Variants in PIAS2 observed in about 807,000 individuals in gnomAD.
PIAS2 encodes the protein E3 SUMO-protein ligase PIAS2.
A neutral mutation model predicts 69.7 loss-of-function variants in PIAS2; 19 were observed. The ratio of observed to expected loss-of-function variants is 0.27; its 90% CI spans 0.19 to 0.40. The LOEUF (loss-of-function observed/expected upper bound fraction) is 0.40, where lower values mean the gene tolerates loss of function less well. Ranked by LOEUF, PIAS2 falls within the 10% of genes least tolerant of loss-of-function variation. The pLI, the probability that PIAS2 is intolerant of heterozygous loss-of-function variation, is 1.00. For missense variants in PIAS2, 624 were observed against 757.0 expected (o/e 0.82, Z 2.06); for synonymous variants, 261 against 263.2 (o/e 0.99, Z 0.08).
intron 13 of PIAS2, 34 bp downstream of exon 13, chr18:46,815,278 A>G: frequency 6.3e-7 from 1 of 1,582,238 alleles, no homozygotes; most frequent in Non-Finnish European, 8.7e-7. Context: ...CAACAATCAA[A>G]TACAAATTAG....
intron 8 of PIAS2, among the ~76,000 whole-genome samples, chr18:46,842,015 G>A (rs1056154332): frequency 6.6e-6 from 1 of 151,984 alleles, no homozygotes; most frequent in East Asian, 1.9e-4. Context: ...GATCACTTGA[G>A]GTCAGAAGTT....
At chr18:46,908,240 G>C (rs2056857249) in intron 1 of PIAS2, among the ~76,000 whole-genome samples, 1 of 152,112 alleles carries the variant, frequency 6.6e-6, no homozygotes, top group Non-Finnish European at 1.5e-5. Flanking sequence ...CTCCCAAAGT[G>C]ATGGGATTAC....
chr18:46,845,098 G>A, intron 6 of PIAS2: 1 of 236,824 alleles, frequency 4.2e-6, no homozygotes, highest in East Asian at 8.2e-5. Context: ...TTAGATCAAT[G>A]GTTTCCAAAC....
rs148078925 is a variant in PIAS2 at position 46,871,956 on chromosome 18, G to A, written c.500-7708C>T. ...AATATATTCATCCTGATGTATGGGC[G>A]AGAGAAGGAAATCGAGGAAGACTTC... On this transcript the variant is annotated intron_variant, in intron 2 of 13. Coordinates refer to ENST00000585916, the MANE Select transcript of PIAS2 (RefSeq NM_004671.5). 1.1e-3 allele frequency among the ~76,000 whole-genome samples: 164 copies of A among 152,282 alleles called. 1 individual carries two copies. Among genetic ancestry groups the A allele is most frequent in the African/African-American group, 3.8e-3 (158 of 41,554 alleles).
At chr18:46,894,136 A>C (rs2054492802) in intron 1 of PIAS2, among the ~76,000 whole-genome samples, 1 of 152,092 alleles carries the variant, frequency 6.6e-6, no homozygotes, top group Admixed American at 6.6e-5. Context: ...AAAAAGCAAA[A>C]ATCAAAAATC....
chr18:46,833,205 A>G (rs2043936900), intron 9 of PIAS2, among the ~76,000 whole-genome samples: 1 of 152,218 alleles, frequency 6.6e-6, no homozygotes, highest in South Asian at 2.1e-4. Context: ...TTAGAATGCA[A>G]CTCAGCAATA....
intron 1 of PIAS2, among the ~76,000 whole-genome samples, chr18:46,897,265 T>C (rs1489197644): frequency 1.3e-5 from 2 of 152,124 alleles, no homozygotes; most frequent in Non-Finnish European, 2.9e-5. Context: ...GAACCCAGAC[T>C]CCTTGGGGAA....
At chr18:46,901,220 C>T in intron 1 of PIAS2, 1 of 377,394 alleles carries the variant, frequency 2.6e-6, no homozygotes, top group South Asian at 2.0e-5. Flanking sequence ...GAGTTCGAGG[C>T]CAGCCTGACC....
chr18:46,825,782 T>C (rs1418586385), intron 11 of PIAS2, among the ~76,000 whole-genome samples: 1 of 152,264 alleles, frequency 6.6e-6, no homozygotes, highest in Admixed American at 6.5e-5. Flanking sequence ...AAAGAGTTTC[T>C]ATCAGAAATG....
At chr18:46,848,067 T>C (rs145873064) in intron 5 of PIAS2, among the ~76,000 whole-genome samples, 195 of 152,318 alleles carry the variant, frequency 1.3e-3, no homozygotes, top group African/African-American at 4.4e-3. Context: ...TATTCCCTTT[T>C]GTACAGAAGA....
chr18:46,848,813 T>C (rs990244556), intron 5 of PIAS2, among the ~76,000 whole-genome samples: 8 of 149,120 alleles, frequency 5.4e-5, no homozygotes, highest in Non-Finnish European at 1.2e-4. Flanking sequence ...AGGAAGGTTA[T>C]GCCCATCTTA....
At chr18:46,902,633 G>A (rs1456910164) in intron 1 of PIAS2, among the ~76,000 whole-genome samples, 1 of 152,078 alleles carries the variant, frequency 6.6e-6, no homozygotes, top group Non-Finnish European at 1.5e-5. Flanking sequence ...TAGTAAAGAT[G>A]TCAACTTTCC....
chr18:46,875,547 A>G (rs1316628623), intron 2 of PIAS2, among the ~76,000 whole-genome samples: 1 of 152,194 alleles, frequency 6.6e-6, no homozygotes, highest in African/African-American at 2.4e-5. Context: ...GTTGAAAACA[A>G]TAAAGAAATC....
chr18:46,908,927 T>C (rs2056945868), intron 1 of PIAS2, among the ~76,000 whole-genome samples: 1 of 152,116 alleles, frequency 6.6e-6, no homozygotes, highest in Non-Finnish European at 1.5e-5. Context: ...GAGAATCTCT[T>C]GAACCTTGGG....
Position 46,804,083 on chromosome 18 carries a change from A to G in PIAS2, c.*8350T>C, listed in dbSNP as rs985298467. Reference sequence around the variant, plus strand: ...CAAAGGTATTGAATTTCCAGTCAGCATAAGTCAAATGCAAATGGTTATCCA... The same window carrying G: ...CAAAGGTATTGAATTTCCAGTCAGCGTAAGTCAAATGCAAATGGTTATCCA... On this transcript the variant is annotated 3_prime_UTR_variant, in exon 14 of 14. Coordinates refer to ENST00000585916, the MANE Select transcript of PIAS2 (RefSeq NM_004671.5). 2 of 152,222 alleles carry G rather than the reference A, an allele frequency of 1.3e-5. No homozygotes were observed. Among genetic ancestry groups the G allele is most frequent in the East Asian group, 3.8e-4 (2 of 5,200 alleles). 9.4% of individuals were successfully genotyped at this position (152,222 alleles called of 1,614,324 possible). A position where few individuals can be genotyped will look rare whatever the true frequency, so the allele number is the denominator to read the frequency against.
At position 46,900,962 on chromosome 18, in the gene PIAS2, G is replaced by A. The variant is rs183506967; in HGVS notation, c.25-9908C>T. The stretch of plus-strand genomic sequence containing the variant: ...GTACTCCAGCCTGGGTGATAAGAAC[G>A]AAACTCTGTCTCAAATAATATTAAA... On this transcript the variant is annotated intron_variant, in intron 1 of 13. Transcript: ENST00000585916. 1.6e-4 allele frequency: 54 copies of A among 344,320 alleles called. 1 individual carries two copies. The highest frequency in any genetic ancestry group is 3.0e-4 in the Admixed American group (7 of 23,642). The allele number at this position is 344,320 out of a possible 1,614,324, so 21.3% of individuals were successfully genotyped here. A position where few individuals can be genotyped will look rare whatever the true frequency, so the allele number is the denominator to read the frequency against.
At chr18:46,893,567 A>T (rs1253844465) in intron 1 of PIAS2, 1 of 374,020 alleles carries the variant, frequency 2.7e-6, no homozygotes, top group Non-Finnish European at 3.7e-6. Flanking sequence ...TAAGAAAGAG[A>T]TAAGAGCTTA....
At chr18:46,839,203 A>C (rs2044923766) in intron 8 of PIAS2, among the ~76,000 whole-genome samples, 1 of 152,154 alleles carries the variant, frequency 6.6e-6, no homozygotes, top group African/African-American at 2.4e-5. Flanking sequence ...ATTAAATTAC[A>C]CTATACCTAT....
rs922784512 is a variant in PIAS2 at position 46,810,019 on chromosome 18, A to G, written c.*2414T>C. 1 of 152,228 alleles carries G rather than the reference A, an allele frequency of 6.6e-6. No individual in the cohort carries two copies. Among genetic ancestry groups the G allele is most frequent in the Non-Finnish European group, 1.5e-5 (1 of 68,046 alleles). The allele number at this position is 152,228 out of a possible 1,614,324, so 9.4% of individuals were successfully genotyped here. On this transcript the variant is annotated 3_prime_UTR_variant, in exon 14 of 14. Coordinates refer to ENST00000585916, the MANE Select transcript of PIAS2 (RefSeq NM_004671.5). ...TGTTGCCATAAGGCCAAAGTCATAA[A>G]GTACTAATGCTCAAGACAGATAAAC...
Sources: allele counts gnomAD v4.1 joint callset (sites outside exome capture counted in the v4.1 genomes callset), GRCh38; gene constraint gnomAD v4.1.1; transcripts MANE v1.5; gene names NCBI Gene and HGNC (gene_info 2026-07-23, HGNC 2026-07-21).